Variants in KIF7 observed in about 807,000 individuals in gnomAD.
KIF7 encodes the protein kinesin-like protein KIF7.
Under a neutral mutation model 135.7 loss-of-function variants are expected in KIF7, and 104 were observed. The ratio of observed to expected loss-of-function variants is 0.77; its 90% CI spans 0.65 to 0.90. The LOEUF is 0.90. Ranked by LOEUF, KIF7 falls within the 40% of genes least tolerant of loss-of-function variation. The pLI is 0.00. For synonymous variants in KIF7, 883 were observed against 809.4 expected (o/e 1.09, Z -1.54); for missense variants, 2,005 against 1,839.1 (o/e 1.09, Z -1.65).
intron 5 of KIF7, among the ~76,000 whole-genome samples, chr15:89,647,928 T>C (rs912908415): frequency 5.3e-5 from 8 of 152,190 alleles, no homozygotes; most frequent in Non-Finnish European, 1.0e-4. Context: ...TCCATCGTAT[T>C]TGTATTAATA....
chr15:89,628,971 G>A lies in KIF7; in HGVS notation c.3664+5C>T, dbSNP rs982736129. 15 of 1,613,828 alleles carry A rather than the reference G, an allele frequency of 9.3e-6. No homozygotes were observed. Among genetic ancestry groups the A allele is most frequent in the African/African-American group, 4.0e-5 (3 of 74,920 alleles). ...GTCTGACTTCAGAGCGCGACGAGGA[G>A]TTACCCCTGCTGTGGCCTACAGCGT... is the stretch of plus-strand genomic sequence containing the variant. On this transcript the variant is annotated splice_donor_5th_base_variant and intron_variant, in intron 18 of 18. Coordinates refer to ENST00000394412, the MANE Select transcript of KIF7 (RefSeq NM_198525.3).
intron 2 of KIF7, among the ~76,000 whole-genome samples, chr15:89,617,603 A>G (rs1281500627): frequency 6.6e-6 from 1 of 151,604 alleles, no homozygotes; most frequent in East Asian, 1.9e-4. Flanking sequence ...GCTCACTGCA[A>G]CCTCTGCCTC....
chr15:89,640,248 T>C (rs1449011966), intron 11 of KIF7, among the ~76,000 whole-genome samples: 1 of 151,966 alleles, frequency 6.6e-6, no homozygotes, highest in Non-Finnish European at 1.5e-5. Flanking sequence ...CATATGTAAC[T>C]AACCTGCACA....
rs373852548 is a variant in KIF7, at chr15:89,642,193, C to A, written c.2394+10G>T. Reference sequence around the variant, plus strand: ...ACCCCAGCACCCCACCCTGAGGCCCCGAGACTAACCTGCACCTGGCTCTGG... The same window carrying A: ...ACCCCAGCACCCCACCCTGAGGCCCAGAGACTAACCTGCACCTGGCTCTGG... On this transcript the variant is annotated intron_variant, in intron 11 of 18. Coordinates refer to ENST00000394412, the MANE Select transcript of KIF7 (RefSeq NM_198525.3). 6.2e-7 allele frequency: 1 copy of A among 1,609,010 alleles called. No individual in the cohort carries two copies. The highest frequency in any genetic ancestry group is 2.2e-5 in the East Asian group (1 of 44,844).
intron 10 of KIF7, among the ~76,000 whole-genome samples, chr15:89,644,468 A>C (rs1445629404): frequency 6.6e-6 from 1 of 151,856 alleles, no homozygotes; most frequent in East Asian, 1.9e-4. Flanking sequence ...TGAGGTCAGG[A>C]GTTCAACACC....
intron 11 of KIF7, among the ~76,000 whole-genome samples, chr15:89,635,941 A>G (rs1212909594): frequency 6.6e-6 from 1 of 152,122 alleles, no homozygotes; most frequent in Non-Finnish European, 1.5e-5. Flanking sequence ...AGGTCGGGTT[A>G]CCCACAAAGG....
chr15:89,632,240 C>T lies in KIF7; in HGVS notation c.2896-530G>A, dbSNP rs939538783. ...TGTGGCCCAAGCCCCTGTACTGGAA[C>T]AGGCCCTGCATCAATGACGGCCATC... On this transcript the variant is annotated intron_variant, in intron 14 of 18. Transcript: ENST00000394412. Among the ~76,000 whole-genome samples, 4 of 152,340 alleles carry T rather than the reference C, an allele frequency of 2.6e-5. No homozygotes were observed. In the South Asian group the frequency reaches 8.3e-4, roughly 32 times the overall value.
intron 11 of KIF7, among the ~76,000 whole-genome samples, chr15:89,636,022 T>G (rs1963799852): frequency 6.6e-6 from 1 of 152,110 alleles, no homozygotes; most frequent in Admixed American, 6.5e-5. Flanking sequence ...GGGGTCAATA[T>G]TCAACATTCT....
chr15:89,627,315 A>G, downstream of KIF7: 2 of 522,424 alleles, frequency 3.8e-6, no homozygotes, highest in South Asian at 3.1e-5. Context: ...GATTGGTGCT[A>G]TAACTCAGGC....
chr15:89,651,912 C>G (rs1964129879), intron 2 of KIF7, among the ~76,000 whole-genome samples: 1 of 152,130 alleles, frequency 6.6e-6, no homozygotes, highest in African/African-American at 2.4e-5. Context: ...CTGTGTACTA[C>G]CATGTGAGTT....
intron 1 of KIF7, among the ~76,000 whole-genome samples, chr15:89,654,056 C>G (rs938380939): frequency 1.3e-5 from 2 of 152,190 alleles, no homozygotes; most frequent in African/African-American, 4.8e-5. Flanking sequence ...GTTGCCCAGG[C>G]TGGACTGCAG....
chr15:89,637,161 C>G, intron 11 of KIF7, among the ~76,000 whole-genome samples: 1 of 121,184 alleles, frequency 8.3e-6, no homozygotes, highest in Admixed American at 9.0e-5. Flanking sequence ...ACCAGAATCT[C>G]TGGGACACAT....
downstream of KIF7, chr15:89,625,791 G>T (rs749817364): frequency 2.4e-5 from 38 of 1,590,004 alleles, no homozygotes; most frequent in Non-Finnish European, 2.9e-5. Flanking sequence ...TTTCCGGTGA[G>T]TTCGTTTTTG....
At position 89,642,361 on chromosome 15, in the gene KIF7, G is replaced by A. The variant is rs141867330; in HGVS notation, c.2236C>T (p.Arg746Trp). Residue 746 changes from arginine (R) to tryptophan (W), a missense_variant, in exon 11 of 19, where the codon CGG becomes TGG. Coordinates refer to ENST00000394412, the MANE Select transcript of KIF7 (RefSeq NM_198525.3). The part of the protein sequence containing the change: ...ALNRQHSQRI[R>W]ELEQEAEQVR... ...TGCTCTGCCTCCTGCTCCAGCTCCC[G>A]GATACGCTGGCTGTGCTGGCGGTTC... is the stretch of plus-strand genomic sequence containing the variant. 8.3e-5 allele frequency: 134 copies of A among 1,609,604 alleles called. No individual in the cohort carries two copies. The African/African-American group carries it at 1.4e-3, about 17-fold the overall frequency.
At chr15:89,632,693 A>C in intron 14 of KIF7, 127 bp downstream of exon 14, 1 of 970,506 alleles carries the variant, frequency 1.0e-6, no homozygotes, top group Non-Finnish European at 1.6e-6. Context: ...ACTTGGAAGG[A>C]CCTCACTTTG....
At chr15:89,622,311 C>G (rs140425661) in intron 1 of KIF7, among the ~76,000 whole-genome samples, 2 of 152,008 alleles carry the variant, frequency 1.3e-5, no homozygotes, top group African/African-American at 2.4e-5. Context: ...GTACCCACCC[C>G]CTCTTCTCCC....
In KIF7 at chr15:89,642,223, C is replaced by G; in HGVS notation, c.2374G>C (p.Ala792Pro). The G allele has an allele frequency of 6.2e-7, 1 of 1,610,432 alleles. No homozygotes were observed. The highest frequency in any genetic ancestry group is 8.5e-7 in the Non-Finnish European group (1 of 1,179,644). The change falls in exon 11 of 19, where the codon GCG (alanine) becomes CCG (proline). Residue 792 changes from alanine to proline, a missense_variant. By Grantham distance (27) the Ala-to-Pro change is conservative. Transcript: ENST00000394412. The part of the protein sequence containing the change: ...RLQEFRRRVA[A>P]AQSQVQVLKE... ...CTAACCTGCACCTGGCTCTGGGCCG[C>G]AGCGACCCTCCTGCGGAACTCCTGG...
At chr15:89,626,052 G>T, downstream of KIF7, 2 of 1,613,872 alleles carry the variant, frequency 1.2e-6, no homozygotes, top group Non-Finnish European at 1.7e-6. Context: ...TCAGAGCAAA[G>T]ACCCCAGAGG....
chr15:89,625,180 C>T, downstream of KIF7: 2 of 1,613,444 alleles, frequency 1.2e-6, no homozygotes, highest in Non-Finnish European at 1.7e-6. Context: ...CTATGTGTCA[C>T]CCCCCTGCCC....
Sources: gnomAD v4.1 joint callset for allele counts (sites outside exome capture counted in the v4.1 genomes callset) on GRCh38, gnomAD v4.1.1 for gene constraint, MANE v1.5 for transcripts, NCBI Gene and HGNC (gene_info 2026-07-23, HGNC 2026-07-21) for gene names.